Variants in CNTN3 observed in about 807,000 individuals in gnomAD.
The protein encoded by CNTN3 is contactin 3, also known as contactin-3.
In CNTN3, 60 loss-of-function variants were observed where a neutral mutation model predicts 119.1. The ratio of observed to expected loss-of-function variants is 0.50; its 90% CI spans 0.41 to 0.62. The LOEUF is 0.62. Ranked by LOEUF, CNTN3 falls within the 20% of genes least tolerant of loss-of-function variation. The pLI is 0.00. For synonymous variants in CNTN3, 450 were observed against 438.7 expected (o/e 1.03, Z -0.32); for missense variants, 1,101 against 1,242.4 (o/e 0.89, Z 1.71).
At chr3:74,339,057 T>A (rs1363120450) in intron 11 of CNTN3, among the ~76,000 whole-genome samples, 1 of 152,056 alleles carries the variant, frequency 6.6e-6, no homozygotes, top group Non-Finnish European at 1.5e-5. Flanking sequence ...ATTTTCCTAA[T>A]GAGCATGTAA....
At chr3:74,358,984 C>T (rs1575749998) in intron 11 of CNTN3, among the ~76,000 whole-genome samples, 2 of 151,804 alleles carry the variant, frequency 1.3e-5, no homozygotes, top group Admixed American at 1.3e-4. Context: ...TGTGTATGTG[C>T]CACATTTTCT....
At chr3:74,301,327 A>T in intron 16 of CNTN3, 71 bp downstream of exon 16, 1 of 1,483,668 alleles carries the variant, frequency 6.7e-7, no homozygotes, top group South Asian at 1.3e-5. Flanking sequence ...GCTGGCCTGG[A>T]GTTCAGGGCC....
At chr3:74,404,508 C>A (rs1366466472) in intron 5 of CNTN3, among the ~76,000 whole-genome samples, 2 of 152,056 alleles carry the variant, frequency 1.3e-5, no homozygotes, top group Non-Finnish European at 2.9e-5. Context: ...AGAATGAAGT[C>A]TATTTCCTTC....
chr3:74,367,216 G>A (rs1196685079), intron 8 of CNTN3, among the ~76,000 whole-genome samples: 1 of 151,990 alleles, frequency 6.6e-6, no homozygotes, highest in Non-Finnish European at 1.5e-5. Context: ...CAACTTTCAT[G>A]AAATGCTTTA....
At chr3:74,442,277 C>T (rs1000782842) in intron 4 of CNTN3, among the ~76,000 whole-genome samples, 11 of 152,000 alleles carry the variant, frequency 7.2e-5, no homozygotes, top group Non-Finnish European at 1.6e-4. Context: ...GGCTAAATAC[C>T]TCCAGTATCT....
chr3:74,471,358 A>G (rs941462126), intron 4 of CNTN3, among the ~76,000 whole-genome samples: 1 of 152,136 alleles, frequency 6.6e-6, no homozygotes, highest in Non-Finnish European at 1.5e-5. Flanking sequence ...AAAAAGAAAA[A>G]TACTCCACAT....
chr3:74,325,462 G>A (rs1049157340), intron 13 of CNTN3, among the ~76,000 whole-genome samples: 1 of 152,080 alleles, frequency 6.6e-6, no homozygotes, highest in African/African-American at 2.4e-5. Flanking sequence ...AGAAATGAGA[G>A]GTTGGGGGTA....
chr3:74,520,949 T>C lies in CNTN3; in HGVS notation c.55+109A>G, dbSNP rs1380783312. The C allele has an allele frequency of 7.4e-6, 4 of 541,868 alleles. No individual in the cohort carries two copies. The Admixed American group carries it at 1.2e-4, about 16-fold the overall frequency. 33.6% of individuals were successfully genotyped at this position (541,868 alleles called of 1,614,324 possible). A position where few individuals can be genotyped will look rare whatever the true frequency, so the allele number is the denominator to read the frequency against. ...TTCCTTTTGGGAGGAAAAACATTTG[T>C]TTTTCTTTGCTACTGGTGGAGTTTT... On this transcript the variant is annotated intron_variant, in intron 2 of 22. Transcript: ENST00000263665.
At chr3:74,601,051 A>G (rs1704901121) in intron 1 of CNTN3, among the ~76,000 whole-genome samples, 2 of 149,714 alleles carry the variant, frequency 1.3e-5, no homozygotes, top group South Asian at 4.3e-4. Flanking sequence ...ATATATATTT[A>G]CATATATAAT....
At chr3:74,610,981 A>G (rs1348078487) in intron 1 of CNTN3, among the ~76,000 whole-genome samples, 1 of 152,224 alleles carries the variant, frequency 6.6e-6, no homozygotes, top group Non-Finnish European at 1.5e-5. Flanking sequence ...TATGGATCTC[A>G]TATCTTAACA....
chr3:74,378,338 C>T (rs1216467314), intron 5 of CNTN3, among the ~76,000 whole-genome samples: 3 of 152,312 alleles, frequency 2.0e-5, no homozygotes, highest in South Asian at 2.1e-4. Context: ...GCATGTTTAA[C>T]ATTTCGTTGC....
intron 19 of CNTN3, among the ~76,000 whole-genome samples, chr3:74,288,464 C>CT (rs1489381195): frequency 6.6e-6 from 1 of 151,948 alleles, no homozygotes; most frequent in Admixed American, 6.6e-5. Flanking sequence ...TGGCCTACAT[C>CT]TTTTTTCATT....
chr3:74,443,224 G>A (rs1371165380), intron 4 of CNTN3, among the ~76,000 whole-genome samples: 2 of 152,138 alleles, frequency 1.3e-5, no homozygotes, highest in East Asian at 3.9e-4. Context: ...TCCAGAGCTT[G>A]ACAGTGGGAA....
At chr3:74,394,262 C>T (rs1403609915) in intron 5 of CNTN3, among the ~76,000 whole-genome samples, 1 of 152,072 alleles carries the variant, frequency 6.6e-6, no homozygotes, top group Non-Finnish European at 1.5e-5. Context: ...AAAACTGCAT[C>T]TGATTAGTGG....
At chr3:74,563,773 C>A (rs1398267588) in intron 1 of CNTN3, among the ~76,000 whole-genome samples, 1 of 152,114 alleles carries the variant, frequency 6.6e-6, no homozygotes, top group East Asian at 1.9e-4. Flanking sequence ...ATTCACCACA[C>A]CATTTCCTGA....
intron 1 of CNTN3, among the ~76,000 whole-genome samples, chr3:74,565,266 A>C (rs1704209709): frequency 6.6e-6 from 1 of 152,166 alleles, no homozygotes; most frequent in South Asian, 2.1e-4. Context: ...GTAGGCTCTA[A>C]GGGAAAATCT....
At chr3:74,582,814 T>TGTGTGA (rs1238186881) in intron 1 of CNTN3, among the ~76,000 whole-genome samples, 57 of 149,338 alleles carry the variant, frequency 3.8e-4, no homozygotes, top group African/African-American at 1.3e-3. Context: ...TGTGTGTGTG[T>TGTGTGA]GACCCTACGA....
At chr3:74,366,780 G>GTGTATATA (rs1447686332) in intron 8 of CNTN3, among the ~76,000 whole-genome samples, 1,364 of 63,692 alleles carry the variant, frequency 0.021, 56 homozygotes, top group East Asian at 0.14. Flanking sequence ...GTGTGTGTGT[G>GTGTATATA]TATATATATA....
intron 1 of CNTN3, among the ~76,000 whole-genome samples, chr3:74,564,226 A>C (rs1173862994): frequency 2.6e-5 from 4 of 152,092 alleles, no homozygotes; most frequent in Admixed American, 6.6e-5. Context: ...AAAAGGAGAC[A>C]GAAGAGTGGG....
Sources: allele counts gnomAD v4.1 joint callset (sites outside exome capture counted in the v4.1 genomes callset), GRCh38; gene constraint gnomAD v4.1.1; transcripts MANE v1.5; gene names NCBI Gene and HGNC (gene_info 2026-07-23, HGNC 2026-07-21).